Variants in PAX7 observed in about 807,000 individuals in gnomAD.
PAX7 encodes paired box 7.
PAX7 carries 18 observed loss-of-function variants against 50.7 expected under a neutral mutation model. The observed-to-expected ratio is 0.36, with a 90% CI of 0.25 to 0.53. PAX7 has a LOEUF of 0.53. Ranked by LOEUF, PAX7 falls within the 20% of genes least tolerant of loss-of-function variation. The pLI, the probability that PAX7 is intolerant of heterozygous loss-of-function variation, is 0.93. For missense variants in PAX7, 644 were observed against 702.9 expected (o/e 0.92, Z 0.95); for synonymous variants, 310 against 290.4 (o/e 1.07, Z -0.69).
chr1:18,657,030 G>A (rs907206859), intron 4 of PAX7, among the ~76,000 whole-genome samples: 1 of 152,124 alleles, frequency 6.6e-6, no homozygotes, highest in Non-Finnish European at 1.5e-5. Flanking sequence ...ATGTCAAGAA[G>A]TGAGTTAACA....
intron 7 of PAX7, among the ~76,000 whole-genome samples, chr1:18,728,188 G>C (rs577398431): frequency 1.3e-5 from 2 of 152,180 alleles, no homozygotes; most frequent in African/African-American, 4.8e-5. Flanking sequence ...TGACGAAGGC[G>C]GAGTTGTGGG....
intron 4 of PAX7, among the ~76,000 whole-genome samples, chr1:18,648,545 G>A (rs1315934225): frequency 4.0e-5 from 6 of 151,860 alleles, no homozygotes; most frequent in African/African-American, 1.2e-4. Context: ...ATTTTGCCAC[G>A]TTGCCTGGGC....
At chr1:18,724,089 G>A (rs1318776608) in intron 7 of PAX7, among the ~76,000 whole-genome samples, 1 of 152,176 alleles carries the variant, frequency 6.6e-6, no homozygotes, top group Non-Finnish European at 1.5e-5. Flanking sequence ...TGCTCGGTGG[G>A]CCGGCCGGGA....
rs138182911 is a variant in PAX7 at position 18,693,228 on chromosome 1, C to T, written c.786+1275C>T. 6.3e-3 allele frequency among the ~76,000 whole-genome samples: 959 copies of T among 152,290 alleles called. 7 individuals are homozygous for T. The highest frequency in any genetic ancestry group is 0.021 in the African/African-American group (882 of 41,582). Reference sequence around the variant, plus strand: ...CAGAGGGGCCACCCCAAACTGCTGACGGCGGGCACTTCCATCCAAGAGGAG... The same window carrying T: ...CAGAGGGGCCACCCCAAACTGCTGATGGCGGGCACTTCCATCCAAGAGGAG... On this transcript the variant is annotated intron_variant, in intron 5 of 8. Coordinates refer to ENST00000420770, the MANE Select transcript of PAX7 (RefSeq NM_001135254.2).
chr1:18,735,665 C>A lies in PAX7; in HGVS notation c.1189C>A (p.Pro397Thr). ...CATCTTGGGCAACCCCAGTGCGGTG[C>A]CCCCGCAGCCACAGGCTGACTTCTC... ...MSILGNPSAV[P>T]PQPQADFSIS... The change falls in exon 8 of 9, where the codon CCC (proline) becomes ACC (threonine). Residue 397 changes from proline to threonine, a missense_variant. Physicochemically the swap from Pro to Thr is conservative, Grantham distance 38. Transcript: ENST00000420770. The surrounding 1 kb of genome is among the most constrained non-coding windows in gnomAD (Gnocchi z 4.0). The A allele has an allele frequency of 4.3e-6, 7 of 1,613,786 alleles. No individual in the cohort carries two copies. The highest frequency in any genetic ancestry group is 5.9e-6 in the Non-Finnish European group (7 of 1,179,822).
rs116807988 is a variant in PAX7, at chr1:18,638,439, C to T, written c.586+2068C>T. ...CCAAGGGTTTAAAGTGGAGCCTGTG[C>T]CAGATGGGGGAGGCTGAGGACACAG... On this transcript the variant is annotated intron_variant, in intron 4 of 8. Coordinates refer to ENST00000420770, the MANE Select transcript of PAX7 (RefSeq NM_001135254.2). Among the ~76,000 whole-genome samples, 864 of 152,242 alleles carry T rather than the reference C, an allele frequency of 5.7e-3. 7 individuals are homozygous for T. Among genetic ancestry groups the T allele is most frequent in the African/African-American group, 0.02 (814 of 41,540 alleles).
At chr1:18,635,267 C>G (rs1332150707) in intron 3 of PAX7, 27 bp downstream of exon 3, 2 of 1,611,794 alleles carry the variant, frequency 1.2e-6, no homozygotes, top group East Asian at 4.5e-5. Flanking sequence ...GCCGGCAGAG[C>G]TGGCCCAGAG....
intron 4 of PAX7, among the ~76,000 whole-genome samples, chr1:18,653,772 GAAGCGGCTGAGCCTGAAGGGA>G (rs2088471172): frequency 6.6e-6 from 1 of 152,018 alleles, no homozygotes. Flanking sequence ...ATCTAGCTGA[GAAGCGGCTGAGCCTGAAGGGA>G]AACCAGGGCT....
At chr1:18,657,150 C>T (rs563143171) in intron 4 of PAX7, among the ~76,000 whole-genome samples, 4 of 152,160 alleles carry the variant, frequency 2.6e-5, no homozygotes, top group East Asian at 1.9e-4. Flanking sequence ...TACCAGGCAG[C>T]GCACAATCAG....
At chr1:18,718,876 A>G (rs1418264578) in intron 7 of PAX7, among the ~76,000 whole-genome samples, 3 of 151,884 alleles carry the variant, frequency 2.0e-5, no homozygotes, top group Non-Finnish European at 4.4e-5. Flanking sequence ...TCCTGACCTC[A>G]TGATCCTCCC....
rs534252432 is a variant in PAX7 at position 18,745,114 on chromosome 1, C to A, written c.*185C>A. 28 of 595,440 alleles carry A rather than the reference C, an allele frequency of 4.7e-5. No homozygotes were observed. The African/African-American group carries it at 5.2e-4, about 11-fold the overall frequency. 36.9% of individuals were successfully genotyped at this position (595,440 alleles called of 1,614,324 possible). On this transcript the variant is annotated 3_prime_UTR_variant, in exon 9 of 9. Transcript: ENST00000420770. ...TGTCACTCACCTGTGGTTAGGGATC[C>A]AGAGTGATGCCCTTGGAGTCTGCTC...
intron 5 of PAX7, among the ~76,000 whole-genome samples, chr1:18,692,469 G>A (rs1191392878): frequency 6.6e-6 from 1 of 151,958 alleles, no homozygotes; most frequent in East Asian, 1.9e-4. Context: ...TTGAACGTGG[G>A]AGGCGGAGGT....
At position 18,703,179 on chromosome 1, in the gene PAX7, C is replaced by G; in HGVS notation, c.1038C>G (p.Ala346=). Residue 346 remains alanine, a synonymous_variant, in exon 7 of 9, where the codon GCC becomes GCG. Transcript: ENST00000420770. The part of the protein sequence containing the change: ...QGGLAAAAAA[A]DTSSAYGARH... ...GGCTGGCTGCAGCGGCTGCAGCCGCCGACACCAGCTCTGCCTACGGAGCCC... is the reference window on the plus strand; with the variant it reads ...GGCTGGCTGCAGCGGCTGCAGCCGCGGACACCAGCTCTGCCTACGGAGCCC... 2 of 1,613,028 alleles carry G rather than the reference C, an allele frequency of 1.2e-6. No homozygotes were observed. Among genetic ancestry groups the G allele is most frequent in the Non-Finnish European group, 8.5e-7 (1 of 1,179,802 alleles).
At chr1:18,663,160 T>C (rs967470539) in intron 4 of PAX7, among the ~76,000 whole-genome samples, 4 of 152,232 alleles carry the variant, frequency 2.6e-5, no homozygotes, top group African/African-American at 9.6e-5. Context: ...CGGAGGCTGG[T>C]TCCTTCTCGA....
chr1:18,694,539 C>T (rs2089126926), intron 5 of PAX7, among the ~76,000 whole-genome samples: 1 of 150,374 alleles, frequency 6.7e-6, no homozygotes, highest in Non-Finnish European at 1.5e-5. Flanking sequence ...GAACATTTAG[C>T]CTGGAGAAGT....
intron 4 of PAX7, among the ~76,000 whole-genome samples, chr1:18,679,322 C>T (rs2088865293): frequency 6.6e-6 from 1 of 152,252 alleles, no homozygotes; most frequent in Non-Finnish European, 1.5e-5. Context: ...TCTCCCAGGG[C>T]TCCAGCACTG....
chr1:18,631,784 G>A, intron 1 of PAX7, 96 bp downstream of exon 1: 2 of 1,019,794 alleles, frequency 2.0e-6, no homozygotes, highest in Non-Finnish European at 3.0e-6. Flanking sequence ...GGCGGCGCCG[G>A]CGATAGCAGA....
At position 18,632,956 on chromosome 1, in the gene PAX7, A is replaced by G. The variant is rs2088080149; in HGVS notation, c.85+1268A>G. Among the ~76,000 whole-genome samples, 3 of 152,238 alleles carry G rather than the reference A, an allele frequency of 2.0e-5. No individual in the cohort carries two copies. The highest frequency in any genetic ancestry group is 2.1e-4 in the South Asian group (1 of 4,834). ...GGCGGATTAGAACAATATTTGCCCA[A>G]CATGACGCAGAATACTGAGGAGAGC... On this transcript the variant is annotated intron_variant, in intron 1 of 8. Coordinates refer to ENST00000420770, the MANE Select transcript of PAX7 (RefSeq NM_001135254.2). This position sits in a 1 kb window ranked among gnomAD's most constrained non-coding sequence, Gnocchi z 6.3.
At chr1:18,706,052 C>T (rs953123195) in intron 7 of PAX7, among the ~76,000 whole-genome samples, 1 of 152,150 alleles carries the variant, frequency 6.6e-6, no homozygotes, top group Non-Finnish European at 1.5e-5. Context: ...TCCTGAAGGA[C>T]GGGTGCAGCG....
Sources: allele counts gnomAD v4.1 joint callset (sites outside exome capture counted in the v4.1 genomes callset), GRCh38; gene constraint gnomAD v4.1.1; non-coding constraint Gnocchi (gnomAD v3.1); transcripts MANE v1.5; gene names NCBI Gene and HGNC (gene_info 2026-07-23, HGNC 2026-07-21).